The following CHD1L variants were observed in gnomAD, a reference collection of about 807,000 sequenced individuals.
CHD1L encodes the protein ATP-dependent chromatin remodeler CHD1L.
CHD1L carries 118 observed loss-of-function variants against 115.9 expected under a neutral mutation model. That is an observed-to-expected ratio of 1.02 (90% CI 0.88 to 1.19). The LOEUF is 1.19. Ranked by LOEUF, CHD1L falls within the 50% of genes most tolerant of loss-of-function variation. The pLI, the probability that CHD1L is intolerant of heterozygous loss-of-function variation, is 0.00. For missense variants in CHD1L, 1,179 were observed against 1,065.3 expected (o/e 1.11, Z -1.49); for synonymous variants, 411 against 387.1 (o/e 1.06, Z -0.72).
chr1:147,174,990 C>T, the CHD1L span: 2 of 152,102 alleles, frequency 1.3e-5, no homozygotes, highest in Admixed American at 6.5e-5. Context: ...AAAGAGACCT[C>T]GCTTCCTCTG....
chr1:147,190,313 C>A, the CHD1L span: 1 of 1,009,776 alleles, frequency 9.9e-7, no homozygotes. Context: ...ATCCTATAAA[C>A]AATTACTATG....
At chr1:147,220,182 T>C in the CHD1L span, among the ~76,000 whole-genome samples, 1 of 152,172 alleles carries the variant, frequency 6.6e-6, no homozygotes, top group Admixed American at 6.5e-5. Flanking sequence ...AATTTGAAAT[T>C]TTAAAAACTC....
chr1:147,287,822 G>C (rs1683846311), intron 19 of CHD1L, 89 bp downstream of exon 19: 1 of 1,058,800 alleles, frequency 9.4e-7, no homozygotes, highest in Non-Finnish European at 1.4e-6. Flanking sequence ...CACAGCACTA[G>C]ATAAGGAATT....
the CHD1L span, among the ~76,000 whole-genome samples, chr1:147,222,960 G>A: frequency 6.6e-6 from 1 of 152,132 alleles, no homozygotes; most frequent in Non-Finnish European, 1.5e-5. Context: ...TAGGCCTACT[G>A]AATAATAACC....
At chr1:147,272,798 A>T (rs1219071560) in intron 12 of CHD1L, among the ~76,000 whole-genome samples, 1 of 151,882 alleles carries the variant, frequency 6.6e-6, no homozygotes, top group Non-Finnish European at 1.5e-5. Context: ...GAATATTACG[A>T]CATTTGTAAT....
chr1:147,192,663 C>G, the CHD1L span, among the ~76,000 whole-genome samples: 1 of 152,156 alleles, frequency 6.6e-6, no homozygotes, highest in South Asian at 2.1e-4. Context: ...ATAGGTAGCT[C>G]TTATTATTTT....
In CHD1L at chr1:147,267,440, G is replaced by A. The variant is rs1553949286; in HGVS notation, c.910G>A (p.Glu304Lys). 6.2e-7 allele frequency: 1 copy of A among 1,612,130 alleles called. No individual in the cohort carries two copies. Among genetic ancestry groups the A allele is most frequent in the Non-Finnish European group, 8.5e-7 (1 of 1,178,898 alleles). Residue 304 changes from glutamate (E) to lysine (K), a missense_variant, in exon 9 of 23, where the codon GAG becomes AAG. Glu to Lys is a moderately conservative substitution (Grantham distance 56, BLOSUM62 1). Coordinates refer to ENST00000369258, the MANE Select transcript of CHD1L (RefSeq NM_004284.6). ...TTAAATTTCAGATGCATTTGAAAAT[G>A]AGACGGCAAAGAAAGTTAAACTACA... is the stretch of plus-strand genomic sequence containing the variant. ...LMKDLDAFEN[E>K]TAKKVKLQNI...
the CHD1L span, chr1:147,225,573 C>T: frequency 1.3e-5 from 2 of 155,358 alleles, no homozygotes; most frequent in African/African-American, 4.8e-5. Context: ...CTCTCAATTA[C>T]TTTCTCTGAA....
upstream of CHD1L, among the ~76,000 whole-genome samples, chr1:147,241,730 G>C (rs973206996): frequency 1.3e-5 from 2 of 152,104 alleles, no homozygotes; most frequent in Admixed American, 6.6e-5. Flanking sequence ...TTTTATTTTA[G>C]AGGAAGATGA....
the CHD1L span, among the ~76,000 whole-genome samples, chr1:147,236,226 G>A: frequency 6.6e-6 from 1 of 152,180 alleles, no homozygotes; most frequent in African/African-American, 2.4e-5. Context: ...AAGAGCTAAA[G>A]AGCCCCAAAG....
the CHD1L span, chr1:147,184,686 A>G: frequency 2.4e-5 from 35 of 1,436,782 alleles, no homozygotes; most frequent in African/African-American, 4.9e-4. The surrounding 1 kb of genome is among the most constrained non-coding windows in gnomAD (Gnocchi z 4.4). Flanking sequence ...CCTTCTCATC[A>G]CTTCATCTCA....
Position 147,293,540 on chromosome 1 carries a change from T to C in CHD1L, c.2392-68T>C. The C allele has an allele frequency of 3.7e-6, 5 of 1,349,982 alleles. No homozygotes were observed. In the East Asian group the frequency reaches 9.2e-5, roughly 25 times the overall value. The allele number at this position is 1,349,982 out of a possible 1,614,324, so 83.6% of individuals were successfully genotyped here. Reference sequence around the variant, plus strand: ...CCCATCAAGGGCTGTGCCGCCTCCATGGGCGGTCACTTGGTTGAGTGTGGC... The same window carrying C: ...CCCATCAAGGGCTGTGCCGCCTCCACGGGCGGTCACTTGGTTGAGTGTGGC... On this transcript the variant is annotated intron_variant, in intron 20 of 22. Coordinates refer to ENST00000369258, the MANE Select transcript of CHD1L (RefSeq NM_004284.6).
chr1:147,265,555 A>G (rs1553947440), intron 7 of CHD1L, among the ~76,000 whole-genome samples: 2 of 152,196 alleles, frequency 1.3e-5, no homozygotes, highest in Admixed American at 6.5e-5. Flanking sequence ...GTGACTTTGG[A>G]TAAGTTGCCT....
Position 147,277,196 on chromosome 1 carries a change from TAAAC to T in CHD1L, c.1539+944_1539+947del, listed in dbSNP as rs148190049. Among the ~76,000 whole-genome samples, 808 of 152,134 alleles carry T rather than the reference TAAAC, an allele frequency of 5.3e-3. 4 individuals carry two copies. The highest frequency in any genetic ancestry group is 0.019 in the African/African-American group (780 of 41,494). ...CAGAGTGTGCAGTAAAAATACAATATAAACAAACTATTGTTAGAGGCAGACTCAG... is the reference window on the plus strand; with the variant it reads ...CAGAGTGTGCAGTAAAAATACAATATAAACTATTGTTAGAGGCAGACTCAG... On this transcript the variant is annotated intron_variant, in intron 14 of 22. Transcript: ENST00000369258.
chr1:147,211,864 G>A, the CHD1L span, among the ~76,000 whole-genome samples: 1 of 152,200 alleles, frequency 6.6e-6, no homozygotes, highest in Non-Finnish European at 1.5e-5. Context: ...CTACAGTTTG[G>A]ACGCTATACG....
At chr1:147,179,165 G>A in the CHD1L span, 2 of 1,614,090 alleles carry the variant, frequency 1.2e-6, no homozygotes, top group Non-Finnish European at 1.7e-6. Flanking sequence ...GCTCTGGAGA[G>A]GTTCCTGCAG....
At chr1:147,203,917 AGGAG>A in the CHD1L span, 1 of 1,528,600 alleles carries the variant, frequency 6.5e-7, no homozygotes, top group South Asian at 1.1e-5. Flanking sequence ...CTTCAAGGAC[AGGAG>A]GTGTCAATCT....
Position 147,279,859 on chromosome 1 carries a change from A to G in CHD1L, c.1540-167A>G, listed in dbSNP as rs967866163. Among the ~76,000 whole-genome samples, 6 of 152,284 alleles carry G rather than the reference A, an allele frequency of 3.9e-5. No individual in the cohort carries two copies. In the East Asian group the frequency reaches 7.7e-4, roughly 20 times the overall value. ...CTCTCTGCTTACCCATCATCCAACT[A>G]TTAAATGGCCCTGGCTGTTACTATC... On this transcript the variant is annotated intron_variant, in intron 14 of 22. Coordinates refer to ENST00000369258, the MANE Select transcript of CHD1L (RefSeq NM_004284.6).
the CHD1L span, chr1:147,186,354 A>C: frequency 1.0e-6 from 1 of 963,394 alleles, no homozygotes; most frequent in Non-Finnish European, 1.2e-6. Flanking sequence ...GTGAATAGCA[A>C]GTGAAACAAA....
Sources: gnomAD v4.1 joint callset for allele counts (sites outside exome capture counted in the v4.1 genomes callset) on GRCh38, gnomAD v4.1.1 for gene constraint, Gnocchi (gnomAD v3.1) non-coding constraint, MANE v1.5 for transcripts, NCBI Gene and HGNC (gene_info 2026-07-23, HGNC 2026-07-21) for gene names.